The following RGS7BP variants were observed in gnomAD, a reference collection of about 807,000 sequenced individuals.
The protein encoded by RGS7BP is regulator of G protein signaling 7-binding protein.
A neutral mutation model predicts 31.3 loss-of-function variants in RGS7BP; 9 were observed. That is an observed-to-expected ratio of 0.29 (90% CI 0.17 to 0.50). The LOEUF is 0.50. Among genes scored for constraint, RGS7BP ranks in the 20% least tolerant of loss-of-function variants. The pLI is 0.98. For synonymous variants in RGS7BP, 115 were observed against 120.1 expected (o/e 0.96, Z 0.28); for missense variants, 274 against 322.0 (o/e 0.85, Z 1.14).
At chr5:64,606,043 G>T (rs7447583) in intron 5 of RGS7BP, among the ~76,000 whole-genome samples, 3,277 of 139,424 alleles carry the variant, frequency 0.024, 142 homozygotes, top group African/African-American at 0.035. Context: ...TATATATAGA[G>T]AGAGAGAGAG....
At chr5:64,607,703 A>G (rs879300378) in intron 5 of RGS7BP, among the ~76,000 whole-genome samples, 11 of 151,982 alleles carry the variant, frequency 7.2e-5, no homozygotes, top group African/African-American at 2.2e-4. Flanking sequence ...TATCAGTCTT[A>G]AGGTCTCTGT....
intron 2 of RGS7BP, among the ~76,000 whole-genome samples, chr5:64,511,776 T>A (rs1748843124): frequency 6.6e-6 from 1 of 152,196 alleles, no homozygotes; most frequent in Non-Finnish European, 1.5e-5. Flanking sequence ...CTGGAATGAG[T>A]GTCATCTTTT....
intron 2 of RGS7BP, among the ~76,000 whole-genome samples, chr5:64,530,250 T>C (rs1436525427): frequency 6.6e-6 from 1 of 152,248 alleles, no homozygotes; most frequent in African/African-American, 2.4e-5. Context: ...AGGGGCCTTT[T>C]AAAAACTAGA....
intron 2 of RGS7BP, among the ~76,000 whole-genome samples, chr5:64,564,191 T>A (rs1742117780): frequency 1.3e-5 from 2 of 152,192 alleles, no homozygotes; most frequent in African/African-American, 4.8e-5. Flanking sequence ...TACAGTTCCA[T>A]ATACCACCCT....
chr5:64,604,169 C>T (rs1743294372), intron 5 of RGS7BP, among the ~76,000 whole-genome samples: 2 of 152,126 alleles, frequency 1.3e-5, no homozygotes, highest in Non-Finnish European at 2.9e-5. Flanking sequence ...CCTTTGATCA[C>T]TTCTCTTTAT....
At chr5:64,601,273 C>T (rs1029360456) in intron 5 of RGS7BP, 6 of 159,156 alleles carry the variant, frequency 3.8e-5, no homozygotes, top group Non-Finnish European at 6.7e-5. Flanking sequence ...ATCTCAACTC[C>T]GACCACGTGA....
chr5:64,559,221 C>T (rs1267822145), intron 2 of RGS7BP, among the ~76,000 whole-genome samples: 2 of 152,148 alleles, frequency 1.3e-5, no homozygotes, highest in African/African-American at 4.8e-5. Context: ...CTCCCCCAGA[C>T]ACCCAGCTTT....
At chr5:64,596,204 C>G (rs1040595361) in intron 4 of RGS7BP, among the ~76,000 whole-genome samples, 1 of 152,134 alleles carries the variant, frequency 6.6e-6, no homozygotes, top group African/African-American at 2.4e-5. Context: ...AGGCCCACAA[C>G]GTTGGCAATG....
rs577802123 is a variant in RGS7BP at position 64,567,131 on chromosome 5, A to G, written c.333-8643A>G. ...AACGTATGAACAAGCATGCACAGCT[A>G]CTGCGCATGTGCACCCAGAGGACCA... On this transcript the variant is annotated intron_variant, in intron 2 of 5. Coordinates refer to ENST00000334025, the MANE Select transcript of RGS7BP (RefSeq NM_001029875.3). Among the ~76,000 whole-genome samples, 145 of 151,832 alleles carry G rather than the reference A, an allele frequency of 9.6e-4. 5 individuals are homozygous for G. In the South Asian group the frequency reaches 0.028, roughly 29 times the overall value.
chr5:64,520,513 C>T (rs1336993592), intron 2 of RGS7BP, among the ~76,000 whole-genome samples: 1 of 152,214 alleles, frequency 6.6e-6, no homozygotes, highest in Non-Finnish European at 1.5e-5. Flanking sequence ...GCACTTTTCT[C>T]TGGACCCCGA....
rs183430796 is a variant in RGS7BP, at chr5:64,541,445, G to A, written c.332+33568G>A. Among the ~76,000 whole-genome samples the A allele has an allele frequency of 1.3e-3, 204 of 152,280 alleles. 1 individual carries two copies. Among genetic ancestry groups the A allele is most frequent in the African/African-American group, 4.5e-3 (188 of 41,560 alleles). On this transcript the variant is annotated intron_variant, in intron 2 of 5. Coordinates refer to ENST00000334025, the MANE Select transcript of RGS7BP (RefSeq NM_001029875.3). ...AGCCATATCAATGGGTCCCCAAAAC[G>A]CAGCAGCTGTAGGTGGTGAGCTCAC...
intron 2 of RGS7BP, among the ~76,000 whole-genome samples, chr5:64,516,711 C>A (rs1023999221): frequency 7.9e-5 from 12 of 152,176 alleles, no homozygotes; most frequent in African/African-American, 2.9e-4. Flanking sequence ...AAATTTTTAA[C>A]AAGCACCACT....
intron 2 of RGS7BP, among the ~76,000 whole-genome samples, chr5:64,544,346 A>T (rs1317327074): frequency 2.0e-5 from 3 of 152,152 alleles, no homozygotes; most frequent in Non-Finnish European, 4.4e-5. Context: ...GGATTTCCCA[A>T]AGAAAGTGAT....
At chr5:64,558,647 A>G (rs1307548623) in intron 2 of RGS7BP, among the ~76,000 whole-genome samples, 1 of 152,182 alleles carries the variant, frequency 6.6e-6, no homozygotes, top group Non-Finnish European at 1.5e-5. Flanking sequence ...TCAGGGAACA[A>G]GGGAGATAAC....
intron 3 of RGS7BP, among the ~76,000 whole-genome samples, chr5:64,580,770 G>T (rs982316736): frequency 3.3e-5 from 5 of 152,258 alleles, no homozygotes; most frequent in Admixed American, 2.0e-4. Context: ...TAAGTATTGA[G>T]CCTGTCTGGA....
chr5:64,530,640 G>C (rs1749346266), intron 2 of RGS7BP, among the ~76,000 whole-genome samples: 1 of 152,090 alleles, frequency 6.6e-6, no homozygotes, highest in African/African-American at 2.4e-5. Flanking sequence ...TCTAAATGTG[G>C]TTCAAGTGTA....
At chr5:64,574,995 G>GCTA (rs1742382627) in intron 2 of RGS7BP, among the ~76,000 whole-genome samples, 1 of 151,764 alleles carries the variant, frequency 6.6e-6, no homozygotes, top group East Asian at 1.9e-4. Flanking sequence ...TGCTATTTTA[G>GCTA]TTGCATATAA....
chr5:64,550,225 T>TA (rs1741756999), intron 2 of RGS7BP, among the ~76,000 whole-genome samples: 1 of 152,168 alleles, frequency 6.6e-6, no homozygotes, highest in African/African-American at 2.4e-5. Flanking sequence ...CCAGGTGGCT[T>TA]AAACAACAGA....
chr5:64,539,814 ATTG>A (rs1741482197), intron 2 of RGS7BP: 1 of 152,066 alleles, frequency 6.6e-6, no homozygotes. Flanking sequence ...TTTAAAGTTT[ATTG>A]TTGTATGTTT....
Sources: gnomAD v4.1 joint callset for allele counts (sites outside exome capture counted in the v4.1 genomes callset) on GRCh38, gnomAD v4.1.1 for gene constraint, MANE v1.5 for transcripts, NCBI Gene and HGNC (gene_info 2026-07-23, HGNC 2026-07-21) for gene names.